The following CYP2C19 variants were observed in gnomAD, a reference collection of about 807,000 sequenced individuals.
CYP2C19 encodes cytochrome P450 family 2 subfamily C member 19.
A neutral mutation model predicts 40.9 loss-of-function variants in CYP2C19; 59 were observed. The ratio of observed to expected loss-of-function variants is 1.44; its 90% confidence interval spans 1.17 to 1.79. The LOEUF is 1.79. CYP2C19 is among the 40% of genes most tolerant of loss of function. The pLI is 0.00. For missense variants in CYP2C19, 754 were observed against 596.9 expected, an observed-to-expected ratio of 1.26 and a Z score of -2.74; for synonymous variants, 253 against 208.7, an observed-to-expected ratio of 1.21 and a Z score of -1.83.
At chr10:94,780,712 G>C in intron 4 of CYP2C19, 53 bp downstream of exon 4, 1 of 1,598,058 alleles carries the variant, frequency 6.3e-7, no homozygotes, top group Non-Finnish European at 8.6e-7. Context: ...TTTTTTTCTG[G>C]GAAATCCAAA....
intron 6 of CYP2C19, among the ~76,000 whole-genome samples, chr10:94,831,297 G>T (rs1190642961): frequency 6.6e-6 from 1 of 152,134 alleles, no homozygotes; most frequent in Non-Finnish European, 1.5e-5. Context: ...TATTTAGGTT[G>T]TTTCAAAGTC....
At chr10:94,830,745 CT>C (rs1260936996) in intron 6 of CYP2C19, among the ~76,000 whole-genome samples, 3 of 151,970 alleles carry the variant, frequency 2.0e-5, no homozygotes, top group Non-Finnish European at 4.4e-5. Flanking sequence ...ACAGATTTAT[CT>C]TTTTTCCTTT....
At chr10:94,827,132 T>C (rs1356870214) in intron 6 of CYP2C19, among the ~76,000 whole-genome samples, 1 of 151,582 alleles carries the variant, frequency 6.6e-6, no homozygotes, top group East Asian at 1.9e-4. Context: ...TCTTTTTTGG[T>C]TGTGTCTCTG....
In CYP2C19 at chr10:94,842,953, G is replaced by C. The variant is rs144036596; in HGVS notation, c.1078G>C (p.Asp360His). The change falls in exon 7 of 9, where the codon GAC (aspartate) becomes CAC (histidine). Residue 360 changes from aspartate to histidine, a missense_variant. Transcript: ENST00000371321. ...GGTGCACGAGGTCCAGAGATACATC[G>C]ACCTCATCCCCACCAGCCTGCCCCA... ...AVVHEVQRYI[D>H]LIPTSLPHAV... is the part of the protein sequence containing the mutation. 2.2e-5 allele frequency: 35 copies of C among 1,614,188 alleles called. No homozygotes were observed. In the Middle Eastern group the frequency reaches 4.9e-4, roughly 23 times the overall value.
intron 7 of CYP2C19, among the ~76,000 whole-genome samples, chr10:94,846,277 C>T (rs1350645589): frequency 6.6e-6 from 1 of 151,954 alleles, no homozygotes; most frequent in Non-Finnish European, 1.5e-5. Flanking sequence ...TTTCTTCGGG[C>T]TTGTTTTGTA....
chr10:94,829,099 T>A (rs2134276131), intron 6 of CYP2C19, among the ~76,000 whole-genome samples: 3 of 152,292 alleles, frequency 2.0e-5, no homozygotes, highest in Middle Eastern at 6.8e-3. Context: ...CCTTAACATT[T>A]TTTCCTTCAT....
intron 8 of CYP2C19, 37 bp downstream of exon 8, chr10:94,850,095 C>A (rs891613810): frequency 1.9e-6 from 3 of 1,611,092 alleles, no homozygotes; most frequent in Non-Finnish European, 2.5e-6. Flanking sequence ...TTTCAGGGTA[C>A]AAGATAACTT....
chr10:94,796,629 A>G (rs1304390195), intron 5 of CYP2C19, among the ~76,000 whole-genome samples: 2 of 152,158 alleles, frequency 1.3e-5, no homozygotes, highest in Non-Finnish European at 2.9e-5. Context: ...ATCCATGAGC[A>G]TGGAATGTTC....
At chr10:94,832,975 G>A (rs1849355269) in intron 6 of CYP2C19, among the ~76,000 whole-genome samples, 1 of 151,952 alleles carries the variant, frequency 6.6e-6, no homozygotes, top group African/African-American at 2.4e-5. Flanking sequence ...AGATCTTTCA[G>A]TTCTTTGGTT....
chr10:94,798,460 A>G (rs929786215), intron 5 of CYP2C19, among the ~76,000 whole-genome samples: 2 of 152,142 alleles, frequency 1.3e-5, no homozygotes, highest in Admixed American at 1.3e-4. Context: ...AGAAGAATGT[A>G]TATTCTGTTG....
intron 1 of CYP2C19, chr10:94,774,746 A>C: frequency 3.2e-6 from 1 of 312,294 alleles, no homozygotes; most frequent in Non-Finnish European, 5.9e-6. Context: ...TGGGACACTG[A>C]AAATGAATTT....
At chr10:94,818,705 G>A (rs1170581988) in intron 5 of CYP2C19, among the ~76,000 whole-genome samples, 2 of 149,858 alleles carry the variant, frequency 1.3e-5, no homozygotes, top group South Asian at 2.2e-4. Context: ...TGTTGTTGGT[G>A]TATAAGAATG....
At chr10:94,828,036 C>G (rs1023026748) in intron 6 of CYP2C19, among the ~76,000 whole-genome samples, 1 of 151,516 alleles carries the variant, frequency 6.6e-6, no homozygotes, top group Non-Finnish European at 1.5e-5. Context: ...AGACAGTTTG[C>G]CATAATTTCT....
intron 5 of CYP2C19, among the ~76,000 whole-genome samples, chr10:94,784,476 C>A (rs1419529412): frequency 1.3e-5 from 2 of 152,032 alleles, no homozygotes; most frequent in Non-Finnish European, 2.9e-5. Context: ...CCAAATTTTT[C>A]TACAGTGAAT....
intron 5 of CYP2C19, among the ~76,000 whole-genome samples, chr10:94,802,981 G>A (rs1437393572): frequency 6.6e-6 from 1 of 152,090 alleles, no homozygotes; most frequent in Admixed American, 6.6e-5. Flanking sequence ...GTTTTCCTTT[G>A]TGGGTAACCC....
At chr10:94,845,870 A>C (rs1293379890) in intron 7 of CYP2C19, among the ~76,000 whole-genome samples, 1 of 152,082 alleles carries the variant, frequency 6.6e-6, no homozygotes, top group Non-Finnish European at 1.5e-5. Flanking sequence ...AATTTTTAAG[A>C]ATAAATAACA....
At chr10:94,848,564 C>CT (rs1184801144) in intron 7 of CYP2C19, among the ~76,000 whole-genome samples, 2 of 152,148 alleles carry the variant, frequency 1.3e-5, no homozygotes, top group Non-Finnish European at 2.9e-5. Flanking sequence ...AATGCAGGCT[C>CT]TTTTTTGGTT....
intron 3 of CYP2C19, among the ~76,000 whole-genome samples, chr10:94,779,551 T>TTTTC (rs142844620): frequency 1.5e-5 from 2 of 136,166 alleles, no homozygotes; most frequent in East Asian, 2.1e-4. Context: ...CTTTTTTTCC[T>TTTTC]TTTTCTTTTC....
chr10:94,812,531 C>CT (rs1848943258), intron 5 of CYP2C19, among the ~76,000 whole-genome samples: 1 of 152,174 alleles, frequency 6.6e-6, no homozygotes, highest in Non-Finnish European at 1.5e-5. Context: ...TAGATTTGGT[C>CT]TTTTCACATA....
Sources: gnomAD v4.1 joint callset for allele counts (sites outside exome capture counted in the v4.1 genomes callset) on GRCh38, gnomAD v4.1.1 for gene constraint, MANE v1.5 for transcripts, NCBI Gene and HGNC (gene_info 2026-07-23, HGNC 2026-07-21) for gene names.